Variants in NEK11 observed in about 807,000 individuals in gnomAD.
The protein encoded by NEK11 is serine/threonine-protein kinase Nek11.
Under a neutral mutation model 80.7 loss-of-function variants are expected in NEK11, and 72 were observed. The observed-to-expected ratio is 0.89, with a 90% CI of 0.74 to 1.08. NEK11 has a LOEUF of 1.08. NEK11 is among the 50% of genes least tolerant of loss of function. The pLI is 0.00. For synonymous variants in NEK11, 251 were observed against 260.7 expected (o/e 0.96, Z 0.36); for missense variants, 764 against 763.6 (o/e 1.00, Z -0.01).
At chr3:131,045,837 G>C (rs566664913) in intron 3 of NEK11, among the ~76,000 whole-genome samples, 2 of 152,078 alleles carry the variant, frequency 1.3e-5, no homozygotes, top group Admixed American at 1.3e-4. Context: ...TTTTGGACAA[G>C]TTTTTTTTAT....
chr3:131,235,234 A>AT (rs1301676540), intron 15 of NEK11, among the ~76,000 whole-genome samples: 6 of 152,116 alleles, frequency 3.9e-5, no homozygotes, highest in African/African-American at 1.4e-4. Context: ...GACACAGCTG[A>AT]TAAGAGTAGT....
chr3:131,154,398 T>C (rs1267140319), intron 9 of NEK11, among the ~76,000 whole-genome samples: 1 of 152,082 alleles, frequency 6.6e-6, no homozygotes, highest in Non-Finnish European at 1.5e-5. Context: ...TCAAGATAAG[T>C]AATATTTTAA....
In NEK11 at chr3:131,102,933, A is replaced by G. The variant is rs369352469; in HGVS notation, c.337-6870A>G. On this transcript the variant is annotated intron_variant, in intron 4 of 17. Coordinates refer to ENST00000383366, the MANE Select transcript of NEK11 (RefSeq NM_024800.5). ...GAAGAACTGGTCTTTGAGCTCTGAG[A>G]TTCTTTTCTCAGCTTTGATCCTTCT... 5.9e-5 allele frequency among the ~76,000 whole-genome samples: 9 copies of G among 152,244 alleles called. No homozygotes were observed. In the South Asian group the frequency reaches 1.9e-3, roughly 32 times the overall value.
chr3:131,098,721 G>A (rs1256464215), intron 4 of NEK11, among the ~76,000 whole-genome samples: 3 of 151,868 alleles, frequency 2.0e-5, no homozygotes, highest in Middle Eastern at 3.4e-3. Flanking sequence ...GATTACAGGT[G>A]CGCACCACCA....
At chr3:131,155,340 T>C (rs2090466930) in intron 10 of NEK11, among the ~76,000 whole-genome samples, 1 of 152,204 alleles carries the variant, frequency 6.6e-6, no homozygotes, top group South Asian at 2.1e-4. Flanking sequence ...ACTGCACAGC[T>C]TACAGATCTG....
At chr3:131,189,180 G>T (rs543835391) in intron 14 of NEK11, among the ~76,000 whole-genome samples, 10 of 152,248 alleles carry the variant, frequency 6.6e-5, no homozygotes, top group African/African-American at 2.4e-4. Flanking sequence ...AACCAACCCT[G>T]CCAGTGCCCT....
chr3:131,266,779 T>C (rs2096067092), intron 16 of NEK11, among the ~76,000 whole-genome samples: 1 of 151,892 alleles, frequency 6.6e-6, no homozygotes, highest in Non-Finnish European at 1.5e-5. Flanking sequence ...TTCTGTCTCA[T>C]TGATCTGTCT....
intron 17 of NEK11, among the ~76,000 whole-genome samples, chr3:131,332,801 C>G (rs1029692867): frequency 6.6e-6 from 1 of 152,058 alleles, no homozygotes; most frequent in Non-Finnish European, 1.5e-5. Context: ...AGCCAAGGCT[C>G]GAGAACTGCG....
At chr3:131,221,840 C>T (rs1024098506) in intron 14 of NEK11, among the ~76,000 whole-genome samples, 1 of 152,132 alleles carries the variant, frequency 6.6e-6, no homozygotes, top group Non-Finnish European at 1.5e-5. Context: ...AGACGAGTGG[C>T]ATAGTTAGAA....
chr3:131,180,823 G>A (rs2093304790), intron 14 of NEK11, among the ~76,000 whole-genome samples: 1 of 152,076 alleles, frequency 6.6e-6, no homozygotes, highest in African/African-American at 2.4e-5. Context: ...ATATATGTGA[G>A]GCATTTATTA....
chr3:131,167,636 T>C (rs1199048601), intron 12 of NEK11, among the ~76,000 whole-genome samples: 44 of 152,198 alleles, frequency 2.9e-4, no homozygotes, highest in Admixed American at 2.9e-3. Flanking sequence ...TGAGACCATA[T>C]GGCAGGCAGC....
intron 14 of NEK11, among the ~76,000 whole-genome samples, chr3:131,209,240 G>T (rs1390530912): frequency 1.3e-5 from 2 of 152,094 alleles, no homozygotes; most frequent in African/African-American, 2.4e-5. Context: ...TAATCATGTG[G>T]TTTTTGTCTT....
intron 14 of NEK11, among the ~76,000 whole-genome samples, chr3:131,171,960 C>T (rs1358894637): frequency 1.3e-5 from 2 of 152,130 alleles, no homozygotes; most frequent in Non-Finnish European, 2.9e-5. Context: ...AGAGAAAATG[C>T]TTATATAAAA....
At chr3:131,046,464 G>A (rs1015068701) in intron 3 of NEK11, among the ~76,000 whole-genome samples, 7 of 152,158 alleles carry the variant, frequency 4.6e-5, no homozygotes, top group Non-Finnish European at 8.8e-5. Context: ...TGTCTGCTGA[G>A]AAATCTGCTG....
At chr3:131,329,697 T>G (rs1352764900) in intron 17 of NEK11, 3 of 152,152 alleles carry the variant, frequency 2.0e-5, no homozygotes, top group African/African-American at 7.2e-5. Context: ...GGAAAAGATT[T>G]GAAGGTGATG....
At chr3:131,339,452 C>CT (rs1422546578) in intron 17 of NEK11, among the ~76,000 whole-genome samples, 1 of 152,196 alleles carries the variant, frequency 6.6e-6, no homozygotes, top group East Asian at 1.9e-4. Context: ...CCAGCCAGCA[C>CT]TTAGAGTGTC....
intron 17 of NEK11, among the ~76,000 whole-genome samples, chr3:131,294,640 T>C (rs572189173): frequency 2.6e-5 from 4 of 152,280 alleles, no homozygotes; most frequent in African/African-American, 9.6e-5. Flanking sequence ...TATCTGTCTA[T>C]TTCTGAAAGA....
intron 17 of NEK11, among the ~76,000 whole-genome samples, chr3:131,279,335 C>T (rs577704370): frequency 9.2e-5 from 14 of 151,982 alleles, no homozygotes; most frequent in East Asian, 1.9e-4. Context: ...GCAACAAGAG[C>T]GAAACTCGGT....
chr3:131,286,532 A>C (rs187837499), intron 17 of NEK11, among the ~76,000 whole-genome samples: 2 of 152,228 alleles, frequency 1.3e-5, no homozygotes, highest in Non-Finnish European at 2.9e-5. Flanking sequence ...AAATAAATGG[A>C]TACAGCTGTT....
Sources: gnomAD v4.1 joint callset for allele counts (sites outside exome capture counted in the v4.1 genomes callset) on GRCh38, gnomAD v4.1.1 for gene constraint, MANE v1.5 for transcripts, NCBI Gene and HGNC (gene_info 2026-07-23, HGNC 2026-07-21) for gene names.